STK33: variants seen among roughly 807,000 people sequenced by gnomAD.
The protein encoded by STK33 is serine/threonine kinase 33, also known as serine/threonine-protein kinase 33.
A neutral mutation model predicts 58.0 loss-of-function variants in STK33; 52 were observed. That is an observed-to-expected ratio of 0.90 (90% CI 0.72 to 1.13). The LOEUF (loss-of-function observed/expected upper bound fraction) is 1.13. Among genes scored for constraint, STK33 ranks in the 50% most tolerant of loss-of-function variants. The pLI is 0.00. For synonymous variants in STK33, 215 were observed against 200.1 expected, an observed-to-expected ratio of 1.07 and a Z score of -0.63; for missense variants, 630 against 604.2, an observed-to-expected ratio of 1.04 and a Z score of -0.45.
intron 1 of STK33, among the ~76,000 whole-genome samples, chr11:8,567,531 T>C (rs1047378626): frequency 6.6e-6 from 1 of 152,178 alleles, no homozygotes; most frequent in Non-Finnish European, 1.5e-5. Flanking sequence ...GGATTGGCTA[T>C]AACAAACCAA....
intron 1 of STK33, among the ~76,000 whole-genome samples, chr11:8,534,417 A>G (rs1420323619): frequency 6.6e-6 from 1 of 152,152 alleles, no homozygotes. Context: ...TTTACAAACT[A>G]TAGGTCATTT....
chr11:8,344,653 C>T, the STK33 span, among the ~76,000 whole-genome samples: 3 of 152,164 alleles, frequency 2.0e-5, no homozygotes, highest in African/African-American at 7.2e-5. Context: ...TATAAAATGA[C>T]CATTATTTTA....
At chr11:8,462,472 C>CATATATATATAT (rs1554950292) in intron 7 of STK33, among the ~76,000 whole-genome samples, 5 of 141,870 alleles carry the variant, frequency 3.5e-5, no homozygotes, top group African/African-American at 1.1e-4. Flanking sequence ...CACACACACA[C>CATATATATATAT]ATATATATAT....
intron 1 of STK33, among the ~76,000 whole-genome samples, chr11:8,493,714 C>A (rs1220906941): frequency 1.3e-5 from 2 of 152,156 alleles, no homozygotes; most frequent in African/African-American, 4.8e-5. Flanking sequence ...TACTGGCAAA[C>A]TGAATCCAGC....
At chr11:8,424,412 A>G (rs1355411771) in intron 14 of STK33, among the ~76,000 whole-genome samples, 1 of 149,968 alleles carries the variant, frequency 6.7e-6, no homozygotes, top group Non-Finnish European at 1.5e-5. Flanking sequence ...GGTTGGTTCC[A>G]AGTCTTTGCT....
chr11:8,543,813 A>G (rs1955702456), intron 1 of STK33, among the ~76,000 whole-genome samples: 1 of 152,188 alleles, frequency 6.6e-6, no homozygotes, highest in Non-Finnish European at 1.5e-5. Context: ...TCTCCATGAC[A>G]TATTACACAT....
chr11:8,473,345 T>A, intron 5 of STK33, 69 bp from the exon 6 acceptor site: 1 of 894,830 alleles, frequency 1.1e-6, no homozygotes, highest in Non-Finnish European at 1.8e-6. Flanking sequence ...CAAAGAATCC[T>A]AATTTAGATA....
At chr11:8,414,032 G>C (rs1447543363) in intron 14 of STK33, among the ~76,000 whole-genome samples, 1 of 152,088 alleles carries the variant, frequency 6.6e-6, no homozygotes, top group Non-Finnish European at 1.5e-5. Flanking sequence ...AAATTGAGAG[G>C]GAGGCTGAAA....
chr11:8,571,551 G>A (rs1159244064), intron 1 of STK33, among the ~76,000 whole-genome samples: 2 of 152,082 alleles, frequency 1.3e-5, no homozygotes, highest in Non-Finnish European at 2.9e-5. Context: ...GGTTAAAATG[G>A]GGCCAGGCAT....
intron 11 of STK33, among the ~76,000 whole-genome samples, chr11:8,449,020 A>G (rs1408093375): frequency 6.6e-6 from 1 of 151,804 alleles, no homozygotes; most frequent in Non-Finnish European, 1.5e-5. Flanking sequence ...CAGCCAAAAG[A>G]CACGTGAAAA....
intron 1 of STK33, among the ~76,000 whole-genome samples, chr11:8,535,161 G>A (rs932083139): frequency 3.3e-5 from 5 of 152,082 alleles, no homozygotes; most frequent in African/African-American, 9.7e-5. Context: ...ACTGTCTTCC[G>A]ATTTTTTCTA....
intron 1 of STK33, among the ~76,000 whole-genome samples, chr11:8,528,962 G>A (rs1954288937): frequency 6.6e-6 from 1 of 152,154 alleles, no homozygotes; most frequent in African/African-American, 2.4e-5. Flanking sequence ...AGTATTACTA[G>A]TGTTATCATT....
At chr11:8,343,360 G>A in the STK33 span, among the ~76,000 whole-genome samples, 4 of 152,244 alleles carry the variant, frequency 2.6e-5, no homozygotes, top group African/African-American at 9.6e-5. Flanking sequence ...GCCAAAGATG[G>A]TGGGGAAGGG....
At chr11:8,589,490 G>A (rs2032252889) in intron 1 of STK33, among the ~76,000 whole-genome samples, 1 of 152,154 alleles carries the variant, frequency 6.6e-6, no homozygotes, top group Admixed American at 6.5e-5. Flanking sequence ...TGTTTGCCAG[G>A]GGCTCAGGGA....
intron 12 of STK33, among the ~76,000 whole-genome samples, chr11:8,438,167 T>C (rs369608349): frequency 6.6e-6 from 1 of 152,222 alleles, no homozygotes; most frequent in East Asian, 1.9e-4. Context: ...TTCACTTTTT[T>C]TTCTGTTCTT....
Position 8,473,148 on chromosome 11 carries a change from T to C in STK33, c.339+15A>G. On this transcript the variant is annotated intron_variant, in intron 6 of 15. Coordinates refer to ENST00000687296, the MANE Select transcript of STK33 (RefSeq NM_001352389.2). The stretch of plus-strand genomic sequence containing the variant: ...ACCTGAAAGTTCACAGTAGCTTCAT[T>C]TGCTTTCTATATACCTCAATAGCAG... 1 of 1,545,766 alleles carries C rather than the reference T, an allele frequency of 6.5e-7. No individual in the cohort carries two copies. Among genetic ancestry groups the C allele is most frequent in the Non-Finnish European group, 8.8e-7 (1 of 1,132,756 alleles).
At chr11:8,365,362 A>G in the STK33 span, among the ~76,000 whole-genome samples, 2 of 152,208 alleles carry the variant, frequency 1.3e-5, no homozygotes, top group Non-Finnish European at 2.9e-5. Context: ...ACACCCCAGA[A>G]GCTTTCAGCA....
intron 1 of STK33, among the ~76,000 whole-genome samples, chr11:8,503,554 C>T (rs963636617): frequency 3.9e-5 from 6 of 152,130 alleles, no homozygotes; most frequent in Non-Finnish European, 8.8e-5. Flanking sequence ...AACATAGACA[C>T]CAAACCCTTG....
chr11:8,386,098 T>C, the STK33 span, among the ~76,000 whole-genome samples: 1 of 152,216 alleles, frequency 6.6e-6, no homozygotes, highest in Admixed American at 6.5e-5. Context: ...GAACATCTTT[T>C]GTACAACTCT....
Sources: gnomAD v4.1 joint callset for allele counts (sites outside exome capture counted in the v4.1 genomes callset) on GRCh38, gnomAD v4.1.1 for gene constraint, MANE v1.5 for transcripts, NCBI Gene and HGNC (gene_info 2026-07-23, HGNC 2026-07-21) for gene names.